GALNTL6: variants seen among roughly 807,000 people sequenced by gnomAD.
GALNTL6 encodes the protein polypeptide N-acetylgalactosaminyltransferase-like 6.
In GALNTL6, 46 loss-of-function variants were observed where a neutral mutation model predicts 73.7. That is an observed-to-expected ratio of 0.62 (90% CI 0.49 to 0.80). GALNTL6 has a LOEUF of 0.80. Among genes scored for constraint, GALNTL6 ranks in the 30% least tolerant of loss-of-function variants. The pLI, the probability that GALNTL6 is intolerant of heterozygous loss-of-function variation, is 0.00. For missense variants in GALNTL6, 604 were observed against 755.0 expected (o/e 0.80, Z 2.34); for synonymous variants, 259 against 263.7 (o/e 0.98, Z 0.17).
chr4:172,168,416 A>G (rs527657506), intron 2 of GALNTL6, among the ~76,000 whole-genome samples: 5 of 152,100 alleles, frequency 3.3e-5, no homozygotes, highest in Non-Finnish European at 5.9e-5. Flanking sequence ...AGTTTTTAAA[A>G]TTTATTTAAC....
chr4:173,002,630 T>A (rs1004512577), intron 10 of GALNTL6, among the ~76,000 whole-genome samples: 17 of 149,160 alleles, frequency 1.1e-4, no homozygotes, highest in African/African-American at 4.2e-4. Flanking sequence ...CTGTCTCTAC[T>A]AAAAATACAA....
intron 5 of GALNTL6, among the ~76,000 whole-genome samples, chr4:172,749,195 A>G (rs1031749015): frequency 4.6e-5 from 7 of 152,134 alleles, no homozygotes; most frequent in Non-Finnish European, 8.8e-5. Flanking sequence ...TAACCACAAA[A>G]AAGGTAATCA....
At chr4:173,017,962 C>T (rs1752847820) in intron 11 of GALNTL6, among the ~76,000 whole-genome samples, 1 of 152,156 alleles carries the variant, frequency 6.6e-6, no homozygotes, top group African/African-American at 2.4e-5. Flanking sequence ...GTGACAGAAG[C>T]AAGACACTCA....
intron 5 of GALNTL6, among the ~76,000 whole-genome samples, chr4:172,473,103 C>G (rs1733111423): frequency 6.6e-6 from 1 of 152,146 alleles, no homozygotes; most frequent in African/African-American, 2.4e-5. Flanking sequence ...CAGCCTTTCC[C>G]CACTACACCT....
At chr4:171,858,579 G>T (rs1735750412) in intron 2 of GALNTL6, among the ~76,000 whole-genome samples, 3 of 151,882 alleles carry the variant, frequency 2.0e-5, no homozygotes, top group African/African-American at 7.3e-5. Flanking sequence ...CTCATGCCAA[G>T]TAAGTAAAAA....
chr4:172,916,483 T>C (rs1747517440), intron 8 of GALNTL6, among the ~76,000 whole-genome samples: 1 of 152,198 alleles, frequency 6.6e-6, no homozygotes, highest in African/African-American at 2.4e-5. Flanking sequence ...GACATGATTG[T>C]ATATTTAGAA....
chr4:172,377,470 T>C (rs1019949498), intron 5 of GALNTL6, among the ~76,000 whole-genome samples: 1 of 152,216 alleles, frequency 6.6e-6, no homozygotes, highest in Admixed American at 6.5e-5. Flanking sequence ...CCCAGCTGGC[T>C]TCGCCTAGCA....
intron 5 of GALNTL6, among the ~76,000 whole-genome samples, chr4:172,576,689 C>T (rs1296663067): frequency 6.6e-6 from 1 of 152,122 alleles, no homozygotes; most frequent in African/African-American, 2.4e-5. Context: ...CTGTGTAGAG[C>T]ACCTGATACA....
intron 2 of GALNTL6, among the ~76,000 whole-genome samples, chr4:172,117,269 G>A (rs533565352): frequency 4.6e-5 from 7 of 152,164 alleles, no homozygotes; most frequent in South Asian, 2.1e-4. Flanking sequence ...TAAACTGACC[G>A]TATTATATGC....
At chr4:172,157,621 A>C (rs1560946256) in intron 2 of GALNTL6, among the ~76,000 whole-genome samples, 4 of 152,166 alleles carry the variant, frequency 2.6e-5, no homozygotes, top group Non-Finnish European at 5.9e-5. Context: ...GAGTATGTCC[A>C]TTCTCATAGA....
intron 12 of GALNTL6, among the ~76,000 whole-genome samples, chr4:173,039,249 C>T (rs566820543): frequency 6.6e-6 from 1 of 152,296 alleles, no homozygotes; most frequent in Admixed American, 6.5e-5. Flanking sequence ...ACTGGAACAC[C>T]TGCATTATAT....
At chr4:171,888,266 A>T (rs553867639) in intron 2 of GALNTL6, among the ~76,000 whole-genome samples, 72 of 151,784 alleles carry the variant, frequency 4.7e-4, no homozygotes, top group Admixed American at 4.4e-3. Flanking sequence ...TCAATGTTAA[A>T]AAAAGCACAA....
intron 7 of GALNTL6, among the ~76,000 whole-genome samples, chr4:172,845,768 A>G (rs906962808): frequency 1.3e-5 from 2 of 152,198 alleles, no homozygotes; most frequent in African/African-American, 2.4e-5. Context: ...TTTTTTTACC[A>G]TCAAGTCAGC....
chr4:171,837,996 G>A (rs1367430592), intron 2 of GALNTL6, among the ~76,000 whole-genome samples: 1 of 151,392 alleles, frequency 6.6e-6, no homozygotes, highest in Non-Finnish European at 1.5e-5. Context: ...GTGTTTATTT[G>A]GTGTAACTTT....
chr4:171,954,579 A>G (rs1230430698), intron 2 of GALNTL6, among the ~76,000 whole-genome samples: 1 of 152,246 alleles, frequency 6.6e-6, no homozygotes, highest in African/African-American at 2.4e-5. Flanking sequence ...AGATAAGTAC[A>G]TACATATTTG....
intron 5 of GALNTL6, among the ~76,000 whole-genome samples, chr4:172,573,558 A>C (rs1163849536): frequency 6.6e-6 from 1 of 152,192 alleles, no homozygotes; most frequent in African/African-American, 2.4e-5. Context: ...AATAAAAAAA[A>C]TAAGTGGTAT....
chr4:171,885,243 G>A (rs1026976332), intron 2 of GALNTL6, among the ~76,000 whole-genome samples: 1 of 151,976 alleles, frequency 6.6e-6, no homozygotes, highest in African/African-American at 2.4e-5. Flanking sequence ...TACCTCTTTA[G>A]GTTCTTATTT....
intron 2 of GALNTL6, among the ~76,000 whole-genome samples, chr4:172,144,722 A>G (rs1733884677): frequency 6.6e-6 from 1 of 152,130 alleles, no homozygotes; most frequent in South Asian, 2.1e-4. Flanking sequence ...CTTAAAAGCA[A>G]TTCATCATAA....
chr4:172,990,538 A>G (rs1422493183), intron 10 of GALNTL6, among the ~76,000 whole-genome samples: 1 of 152,144 alleles, frequency 6.6e-6, no homozygotes, highest in Non-Finnish European at 1.5e-5. Context: ...GCTCCTGAAC[A>G]GATCAGCTGT....
Sources: gnomAD v4.1 joint callset for allele counts (sites outside exome capture counted in the v4.1 genomes callset) on GRCh38, gnomAD v4.1.1 for gene constraint, MANE v1.5 for transcripts, NCBI Gene and HGNC (gene_info 2026-07-23, HGNC 2026-07-21) for gene names.